ATP8A2: variants seen among roughly 807,000 people sequenced by gnomAD.
ATP8A2 encodes ATPase phospholipid transporting 8A2.
Under a neutral mutation model 165.6 loss-of-function variants are expected in ATP8A2, and 100 were observed. That is an observed-to-expected ratio of 0.60 (90% CI 0.51 to 0.71). The LOEUF is 0.71. Ranked by LOEUF, ATP8A2 falls within the 30% of genes least tolerant of loss-of-function variation. The probability of loss-of-function intolerance (pLI) is 0.00; values close to 1 mark genes in which losing one functional copy is unlikely to be tolerated. For synonymous variants in ATP8A2, 543 were observed against 548.8 expected (o/e 0.99, Z 0.15); for missense variants, 1,227 against 1,479.5 (o/e 0.83, Z 2.80).
At chr13:25,856,161 TCATCTA>T (rs1242801812) in intron 30 of ATP8A2, among the ~76,000 whole-genome samples, 2 of 152,364 alleles carry the variant, frequency 1.3e-5, no homozygotes, top group East Asian at 3.9e-4. Context: ...GAAGTCCAGT[TCATCTA>T]CATTTTTCTT....
At chr13:25,430,861 G>C (rs771454766) in intron 1 of ATP8A2, among the ~76,000 whole-genome samples, 1 of 152,166 alleles carries the variant, frequency 6.6e-6, no homozygotes, top group Non-Finnish European at 1.5e-5. Context: ...GCCTCCCAAA[G>C]TGCTGGGATT....
chr13:25,748,060 T>A (rs2044072733), intron 25 of ATP8A2, among the ~76,000 whole-genome samples: 1 of 152,212 alleles, frequency 6.6e-6, no homozygotes, highest in South Asian at 2.1e-4. Context: ...TGGTTTAAAT[T>A]CCAATTTGAG....
chr13:25,968,764 C>G (rs1955845758), intron 35 of ATP8A2, 85 bp downstream of exon 35: 2 of 1,175,034 alleles, frequency 1.7e-6, no homozygotes, highest in Non-Finnish European at 2.5e-6. Context: ...TTTTTCTCAT[C>G]TTGGTTTTCG....
Position 25,690,975 on chromosome 13 carries a change from A to G in ATP8A2, c.2212-8198A>G, listed in dbSNP as rs373113825. On this transcript the variant is annotated intron_variant, in intron 24 of 36. Transcript: ENST00000381655. Reference sequence around the variant, plus strand: ...TCCAATAATAGGTGAACACCTAAACAAATTGTGCTGTGTTCATACATTGGA... The same window carrying G: ...TCCAATAATAGGTGAACACCTAAACGAATTGTGCTGTGTTCATACATTGGA... 1.6e-4 allele frequency among the ~76,000 whole-genome samples: 25 copies of G among 152,344 alleles called. No homozygotes were observed. In the South Asian group the frequency reaches 5.0e-3, roughly 30 times the overall value.
intron 24 of ATP8A2, among the ~76,000 whole-genome samples, chr13:25,697,110 T>C (rs989474962): frequency 1.3e-5 from 2 of 152,132 alleles, no homozygotes; most frequent in Non-Finnish European, 2.9e-5. Flanking sequence ...AATCTTCAAT[T>C]TGTAAGAAAT....
rs1156771824 is a variant in ATP8A2 at position 25,530,017 on chromosome 13, G to A, written c.240G>A (p.Val80=). 3 of 1,611,188 alleles carry A rather than the reference G, an allele frequency of 1.9e-6. No homozygotes were observed. The highest frequency in any genetic ancestry group is 2.7e-5 in the African/African-American group (2 of 74,872). Residue 80 remains valine (V), a synonymous_variant, in exon 3 of 37, where the codon GTG becomes GTA. Transcript: ENST00000381655. ...DNQISTAKYS[V]LTFLPRFLYE... ...CTTACAGTACGGCCAAGTACAGCGT[G>A]TTGACATTTCTACCTCGATTCTTGT...
chr13:25,863,009 A>T (rs1952401269), intron 33 of ATP8A2, among the ~76,000 whole-genome samples: 1 of 152,178 alleles, frequency 6.6e-6, no homozygotes, highest in African/African-American at 2.4e-5. Flanking sequence ...ACAGTGACAA[A>T]CTGTATCCTA....
Position 25,372,763 on chromosome 13 carries a change from AG to A in ATP8A2, c.76+476del, listed in dbSNP as rs2032465777. On this transcript the variant is annotated intron_variant, in intron 1 of 36. Coordinates refer to ENST00000381655, the MANE Select transcript of ATP8A2 (RefSeq NM_016529.6). This position sits in a 1 kb window ranked among gnomAD's most constrained non-coding sequence, Gnocchi z 4.8. ...AAAAAGGCATCCGAAGGGTCCCTCG[AG>A]TGATTCTCACCACTTGGAGCCCCGG... Among the ~76,000 whole-genome samples the A allele has an allele frequency of 6.6e-6, 1 of 152,174 alleles. No individual in the cohort carries two copies. Among genetic ancestry groups the A allele is most frequent in the African/African-American group, 2.4e-5 (1 of 41,458 alleles).
intron 33 of ATP8A2, among the ~76,000 whole-genome samples, chr13:25,877,652 A>G (rs1200933316): frequency 6.6e-6 from 1 of 152,124 alleles, no homozygotes; most frequent in Non-Finnish European, 1.5e-5. Flanking sequence ...CATGTTCCTT[A>G]GAGCAAGTGC....
intron 27 of ATP8A2, among the ~76,000 whole-genome samples, chr13:25,787,226 C>T (rs1566138064): frequency 2.0e-5 from 3 of 152,244 alleles, no homozygotes; most frequent in Non-Finnish European, 2.9e-5. Context: ...CTGTCCCCCT[C>T]AGGGGACTCA....
intron 1 of ATP8A2, among the ~76,000 whole-genome samples, chr13:25,402,578 G>A (rs1364112390): frequency 6.6e-6 from 1 of 152,190 alleles, no homozygotes; most frequent in Non-Finnish European, 1.5e-5. Context: ...TTCTTTGCCT[G>A]TTCAGCAGGG....
intron 12 of ATP8A2, 78 bp from the exon 13 acceptor site, chr13:25,554,913 T>G: frequency 1.0e-6 from 1 of 968,112 alleles, no homozygotes. Flanking sequence ...ATTCTTAGCT[T>G]CTTTTCTGTG....
chr13:25,531,287 A>G (rs181885328), intron 4 of ATP8A2, among the ~76,000 whole-genome samples: 1,999 of 57,942 alleles, frequency 0.035, 87 homozygotes, highest in African/African-American at 0.1. Flanking sequence ...TATGTTATAT[A>G]TGATATATAT....
intron 7 of ATP8A2, among the ~76,000 whole-genome samples, chr13:25,539,509 G>A (rs1242760196): frequency 6.6e-6 from 1 of 151,970 alleles, no homozygotes; most frequent in African/African-American, 2.4e-5. Flanking sequence ...TGTGCTGTGT[G>A]CTGAACAACC....
intron 1 of ATP8A2, among the ~76,000 whole-genome samples, chr13:25,428,258 CA>C (rs1425235135): frequency 6.6e-6 from 1 of 152,080 alleles, no homozygotes; most frequent in Non-Finnish European, 1.5e-5. Context: ...GGTCCTGTGA[CA>C]AAAACATTTA....
At chr13:25,699,479 TTATTTTTAAC>T in intron 25 of ATP8A2, 134 bp downstream of exon 25, 3 of 695,260 alleles carry the variant, frequency 4.3e-6, no homozygotes, top group African/African-American at 3.7e-5. Flanking sequence ...AAATACAAAT[TTATTTTTAAC>T]TGTTGGTGCA....
At chr13:25,630,135 G>A (rs1179190010) in intron 24 of ATP8A2, among the ~76,000 whole-genome samples, 4 of 152,080 alleles carry the variant, frequency 2.6e-5, no homozygotes, top group Admixed American at 2.0e-4. Flanking sequence ...CAAATTTTGT[G>A]TGCTTGCTTC....
At chr13:25,928,809 T>C (rs533346948) in intron 33 of ATP8A2, among the ~76,000 whole-genome samples, 14 of 152,250 alleles carry the variant, frequency 9.2e-5, no homozygotes, top group South Asian at 4.2e-4. Context: ...TCTCCCTTAT[T>C]CTTCCACAGT....
intron 24 of ATP8A2, among the ~76,000 whole-genome samples, chr13:25,605,464 G>A (rs2040491741): frequency 6.6e-6 from 1 of 152,056 alleles, no homozygotes; most frequent in African/African-American, 2.4e-5. Flanking sequence ...AATGAAAAAT[G>A]TTCTCTGGGT....
Sources: gnomAD v4.1 joint callset for allele counts (sites outside exome capture counted in the v4.1 genomes callset) on GRCh38, gnomAD v4.1.1 for gene constraint, Gnocchi (gnomAD v3.1) non-coding constraint, MANE v1.5 for transcripts, NCBI Gene and HGNC (gene_info 2026-07-23, HGNC 2026-07-21) for gene names.